Variants in SLC25A26 observed in about 807,000 individuals in gnomAD.
SLC25A26 encodes the protein solute carrier family 25 member 26.
SLC25A26 carries 36 observed loss-of-function variants against 37.8 expected under a neutral mutation model. The observed-to-expected ratio is 0.95, with a 90% CI of 0.73 to 1.26. The LOEUF (loss-of-function observed/expected upper bound fraction) is 1.26, where lower values mean the gene tolerates loss of function less well. Ranked by LOEUF, SLC25A26 falls within the 50% of genes most tolerant of loss-of-function variation. The probability of loss-of-function intolerance (pLI) is 0.00; values close to 1 mark genes in which losing one functional copy is unlikely to be tolerated. For missense variants in SLC25A26, 390 were observed against 331.1 expected, an observed-to-expected ratio of 1.18 and a Z score of -1.38; for synonymous variants, 129 against 122.5, an observed-to-expected ratio of 1.05 and a Z score of -0.35.
intron 5 of SLC25A26, among the ~76,000 whole-genome samples, chr3:66,313,419 C>T (rs1488572469): frequency 6.6e-6 from 1 of 152,164 alleles, no homozygotes; most frequent in Non-Finnish European, 1.5e-5. Context: ...TCTCAAAGAT[C>T]AGATGGTTGT....
In SLC25A26 at chr3:66,305,628, G is replaced by A. The variant is rs901651520; in HGVS notation, c.454-40736G>A. Among the ~76,000 whole-genome samples the A allele has an allele frequency of 4.0e-5, 6 of 151,760 alleles. No individual in the cohort carries two copies. In the East Asian group the frequency reaches 1.2e-3, roughly 29 times the overall value. The stretch of plus-strand genomic sequence containing the variant: ...TCCCCTTCCCCCCACCCCACCCTGT[G>A]AAAGGCCCCAGAGTGTGTTGTTTCC... On this transcript the variant is annotated intron_variant, in intron 5 of 9. Transcript: ENST00000354883.
intron 1 of SLC25A26, among the ~76,000 whole-genome samples, chr3:66,160,840 C>T (rs2070347202): frequency 6.6e-6 from 1 of 152,162 alleles, no homozygotes; most frequent in South Asian, 2.1e-4. Flanking sequence ...GAGGCTGAGG[C>T]AGGAGAATTG....
At chr3:66,318,941 C>A (rs1203632891) in intron 5 of SLC25A26, among the ~76,000 whole-genome samples, 1 of 152,160 alleles carries the variant, frequency 6.6e-6, no homozygotes, top group Admixed American at 6.5e-5. Context: ...CGAACCACCA[C>A]ACCCAGCCTC....
At chr3:66,257,705 CTG>C (rs1576730608) in intron 3 of SLC25A26, among the ~76,000 whole-genome samples, 2 of 152,192 alleles carry the variant, frequency 1.3e-5, no homozygotes, top group Non-Finnish European at 2.9e-5. Flanking sequence ...CAAATATTGA[CTG>C]TGTTAAAACC....
At chr3:66,296,720 A>G (rs1287651538) in intron 5 of SLC25A26, among the ~76,000 whole-genome samples, 1 of 152,220 alleles carries the variant, frequency 6.6e-6, no homozygotes, top group African/African-American at 2.4e-5. Context: ...TTTGAACAGA[A>G]GCATTGTTTT....
chr3:66,314,486 A>C (rs2075474670), intron 5 of SLC25A26, among the ~76,000 whole-genome samples: 1 of 152,088 alleles, frequency 6.6e-6, no homozygotes, highest in Non-Finnish European at 1.5e-5. Flanking sequence ...ACGGTGGATA[A>C]GGTTTTTGAT....
At chr3:66,227,184 CA>C (rs2071797400) in intron 1 of SLC25A26, among the ~76,000 whole-genome samples, 1 of 152,220 alleles carries the variant, frequency 6.6e-6, no homozygotes, top group Non-Finnish European at 1.5e-5. Flanking sequence ...TCCTTTTCAT[CA>C]CAACTACTTT....
intron 5 of SLC25A26, among the ~76,000 whole-genome samples, chr3:66,317,423 C>T (rs1214688780): frequency 1.3e-5 from 2 of 152,130 alleles, no homozygotes; most frequent in Non-Finnish European, 2.9e-5. Context: ...GGGGCCCCTC[C>T]CATCCCTGGA....
At chr3:66,192,422 G>A (rs2070963767) in intron 1 of SLC25A26, among the ~76,000 whole-genome samples, 3 of 152,058 alleles carry the variant, frequency 2.0e-5, no homozygotes, top group African/African-American at 7.2e-5. Context: ...GCAAGGTAGA[G>A]GGCTTTCTCC....
At chr3:66,236,800 T>C (rs2072314030) in intron 2 of SLC25A26, 100 bp downstream of exon 2, 1 of 865,772 alleles carries the variant, frequency 1.2e-6, no homozygotes. Flanking sequence ...GTGTTGAAGC[T>C]TATCTTCTGA....
chr3:66,157,647 G>A (rs1323349152), intron 1 of SLC25A26, among the ~76,000 whole-genome samples: 3 of 152,126 alleles, frequency 2.0e-5, no homozygotes, highest in African/African-American at 7.2e-5. Flanking sequence ...CTTTTTCCAG[G>A]TGACTCTGAG....
chr3:66,247,133 G>A (rs995311067), intron 3 of SLC25A26, among the ~76,000 whole-genome samples: 3 of 151,942 alleles, frequency 2.0e-5, no homozygotes, highest in African/African-American at 7.3e-5. Flanking sequence ...TAAAGTGCTG[G>A]GATTACAGGT....
At chr3:66,223,262 C>G (rs1036813379) in intron 1 of SLC25A26, among the ~76,000 whole-genome samples, 2 of 152,106 alleles carry the variant, frequency 1.3e-5, no homozygotes, top group African/African-American at 4.8e-5. Context: ...TAGGAAGGGG[C>G]TTGAATTTTT....
chr3:66,302,946 G>C (rs2075116994), intron 5 of SLC25A26, among the ~76,000 whole-genome samples: 1 of 152,156 alleles, frequency 6.6e-6, no homozygotes, highest in Non-Finnish European at 1.5e-5. Context: ...CCTTAGAGCA[G>C]AGTTTAAGGG....
chr3:66,300,656 T>C (rs541907292), intron 5 of SLC25A26, among the ~76,000 whole-genome samples: 1 of 152,256 alleles, frequency 6.6e-6, no homozygotes, highest in South Asian at 2.1e-4. Context: ...TTGCATAGCA[T>C]TTTGAGAGAG....
At chr3:66,283,007 T>C (rs952584067) in intron 5 of SLC25A26, among the ~76,000 whole-genome samples, 1 of 152,236 alleles carries the variant, frequency 6.6e-6, no homozygotes, top group African/African-American at 2.4e-5. Context: ...ATCCCAGTTA[T>C]TGCATGTATC....
At chr3:66,237,180 A>T (rs1290954972) in intron 2 of SLC25A26, among the ~76,000 whole-genome samples, 1 of 152,124 alleles carries the variant, frequency 6.6e-6, no homozygotes, top group East Asian at 1.9e-4. Context: ...TATAGATTCC[A>T]TTTCAATATA....
chr3:66,179,924 G>A (rs748489585), intron 1 of SLC25A26, among the ~76,000 whole-genome samples: 8 of 152,128 alleles, frequency 5.3e-5, no homozygotes, highest in Non-Finnish European at 1.0e-4. Flanking sequence ...TTTGCACAAA[G>A]CAATGCCATG....
chr3:66,173,966 T>C (rs2070537872), intron 1 of SLC25A26, among the ~76,000 whole-genome samples: 1 of 151,732 alleles, frequency 6.6e-6, no homozygotes, highest in Non-Finnish European at 1.5e-5. Flanking sequence ...GGCAGGAGAA[T>C]CATTTGAACC....
Sources: gnomAD v4.1 joint callset for allele counts (sites outside exome capture counted in the v4.1 genomes callset) on GRCh38, gnomAD v4.1.1 for gene constraint, MANE v1.5 for transcripts, NCBI Gene and HGNC (gene_info 2026-07-23, HGNC 2026-07-21) for gene names.